Variants in LRRC4C observed in about 807,000 individuals in gnomAD.
The protein encoded by LRRC4C is leucine rich repeat containing 4C, also known as leucine-rich repeat-containing protein 4C.
Under a neutral mutation model 33.6 loss-of-function variants are expected in LRRC4C, and 5 were observed. The observed-to-expected ratio is 0.15, with a 90% CI of 0.08 to 0.31. The LOEUF is 0.31. Among genes scored for constraint, LRRC4C ranks in the 10% least tolerant of loss-of-function variants. LRRC4C has a pLI of 1.00. For synonymous variants in LRRC4C, 329 were observed against 302.0 expected, an observed-to-expected ratio of 1.09 and a Z score of -0.93; for missense variants, 560 against 796.7, an observed-to-expected ratio of 0.70 and a Z score of 3.58.
At chr11:41,165,963 G>A (rs757815632) in intron 1 of LRRC4C, among the ~76,000 whole-genome samples, 7 of 151,666 alleles carry the variant, frequency 4.6e-5, no homozygotes, top group Non-Finnish European at 8.8e-5. Context: ...CCCAGGAGGC[G>A]GAGGTTGCAG....
intron 1 of LRRC4C, among the ~76,000 whole-genome samples, chr11:40,949,994 T>A (rs898588165): frequency 6.6e-6 from 1 of 151,568 alleles, no homozygotes; most frequent in African/African-American, 2.4e-5. Context: ...GAGACACACA[T>A]ACGCAAGAGG....
chr11:41,310,942 T>C (rs887990245), intron 1 of LRRC4C, among the ~76,000 whole-genome samples: 2 of 152,200 alleles, frequency 1.3e-5, no homozygotes, highest in Non-Finnish European at 2.9e-5. Context: ...TAGATAAATT[T>C]AAAAGACAAT....
intron 3 of LRRC4C, among the ~76,000 whole-genome samples, chr11:40,537,340 C>A (rs1465667695): frequency 6.6e-6 from 1 of 152,146 alleles, no homozygotes; most frequent in Non-Finnish European, 1.5e-5. Context: ...GTATTTTTAT[C>A]CCCACCGTAA....
intron 1 of LRRC4C, among the ~76,000 whole-genome samples, chr11:41,309,010 G>C (rs1950578337): frequency 6.6e-6 from 1 of 152,052 alleles, no homozygotes; most frequent in South Asian, 2.1e-4. Context: ...CTTCATGTTG[G>C]TCAGGCTGGT....
intron 2 of LRRC4C, among the ~76,000 whole-genome samples, chr11:40,686,150 C>T (rs1268162775): frequency 1.3e-5 from 2 of 151,992 alleles, no homozygotes; most frequent in Non-Finnish European, 2.9e-5. Flanking sequence ...GCCTTGGGAT[C>T]CTGGACATGT....
At chr11:41,402,155 G>C (rs1426401774) in intron 1 of LRRC4C, among the ~76,000 whole-genome samples, 2 of 151,976 alleles carry the variant, frequency 1.3e-5, no homozygotes, top group Non-Finnish European at 2.9e-5. Flanking sequence ...AAAATAGAAA[G>C]GGGACAGAAC....
chr11:40,480,859 T>C (rs557524428), intron 3 of LRRC4C, among the ~76,000 whole-genome samples: 37 of 152,044 alleles, frequency 2.4e-4, no homozygotes, highest in South Asian at 1.0e-3. Flanking sequence ...ATGTTTTTAG[T>C]TAGATGGGGA....
intron 1 of LRRC4C, among the ~76,000 whole-genome samples, chr11:41,074,680 C>A (rs994694305): frequency 6.6e-6 from 1 of 152,148 alleles, no homozygotes; most frequent in Admixed American, 6.5e-5. Context: ...TCTTTTCTGA[C>A]TTACTGAAAA....
At chr11:40,697,809 C>G (rs1274516290) in intron 2 of LRRC4C, among the ~76,000 whole-genome samples, 1 of 152,110 alleles carries the variant, frequency 6.6e-6, no homozygotes, top group Non-Finnish European at 1.5e-5. Context: ...ATGGCTCACA[C>G]CTGTAATCCC....
intron 1 of LRRC4C, among the ~76,000 whole-genome samples, chr11:41,335,119 G>A (rs1378527446): frequency 1.3e-5 from 2 of 152,134 alleles, no homozygotes; most frequent in East Asian, 1.9e-4. Flanking sequence ...GCCACACCAA[G>A]TGAGTATCTC....
At chr11:40,738,332 C>A (rs764786757) in intron 2 of LRRC4C, among the ~76,000 whole-genome samples, 2 of 152,058 alleles carry the variant, frequency 1.3e-5, no homozygotes, top group African/African-American at 4.8e-5. Context: ...TGCAGATGGC[C>A]TTTTGTGGGA....
At chr11:40,647,693 C>T (rs1942548994) in intron 3 of LRRC4C, among the ~76,000 whole-genome samples, 1 of 152,166 alleles carries the variant, frequency 6.6e-6, no homozygotes, top group African/African-American at 2.4e-5. Context: ...CATTCCCAAA[C>T]ACTTTGTTCC....
At chr11:40,454,324 T>C (rs1952033716) in intron 3 of LRRC4C, among the ~76,000 whole-genome samples, 1 of 152,160 alleles carries the variant, frequency 6.6e-6, no homozygotes, top group South Asian at 2.1e-4. Context: ...TCACTTGTAC[T>C]GTATTATCTT....
chr11:41,162,287 G>A (rs1327521499), intron 1 of LRRC4C, among the ~76,000 whole-genome samples: 2 of 152,060 alleles, frequency 1.3e-5, no homozygotes, highest in East Asian at 3.9e-4. Context: ...CACCAATAAA[G>A]GCAATACATT....
intron 2 of LRRC4C, among the ~76,000 whole-genome samples, chr11:40,858,991 C>A (rs1336629367): frequency 6.6e-6 from 1 of 152,150 alleles, no homozygotes; most frequent in Non-Finnish European, 1.5e-5. Flanking sequence ...ACCTGAGAAT[C>A]ATCAAATTTT....
At chr11:40,926,789 A>C (rs1263394887) in intron 2 of LRRC4C, among the ~76,000 whole-genome samples, 1 of 152,196 alleles carries the variant, frequency 6.6e-6, no homozygotes, top group East Asian at 1.9e-4. Flanking sequence ...AAAGTTAAAA[A>C]AAAATTACAC....
intron 1 of LRRC4C, among the ~76,000 whole-genome samples, chr11:41,313,567 A>G (rs1293497674): frequency 6.6e-6 from 1 of 152,190 alleles, no homozygotes; most frequent in African/African-American, 2.4e-5. Flanking sequence ...GCCACTCTTG[A>G]GACAGTGCTC....
At chr11:40,849,978 T>C (rs1340787784) in intron 2 of LRRC4C, among the ~76,000 whole-genome samples, 2 of 151,874 alleles carry the variant, frequency 1.3e-5, no homozygotes, top group Non-Finnish European at 2.9e-5. Context: ...TTCAGCTCCA[T>C]CAGGTCATTT....
intron 3 of LRRC4C, among the ~76,000 whole-genome samples, chr11:40,525,167 C>A (rs957693155): frequency 6.6e-6 from 1 of 152,096 alleles, no homozygotes; most frequent in African/African-American, 2.4e-5. Context: ...AGGGGCTGGG[C>A]CGGGCGCCGT....
Sources: gnomAD v4.1 joint callset for allele counts (sites outside exome capture counted in the v4.1 genomes callset) on GRCh38, gnomAD v4.1.1 for gene constraint, MANE v1.5 for transcripts, NCBI Gene and HGNC (gene_info 2026-07-23, HGNC 2026-07-21) for gene names.